The following COL5A2 variants were observed in gnomAD, a reference collection of about 807,000 sequenced individuals.
COL5A2 encodes collagen alpha-2(V) chain.
COL5A2 carries 23 observed loss-of-function variants against 208.2 expected under a neutral mutation model. The observed-to-expected ratio is 0.11, with a 90% CI of 0.08 to 0.16. The LOEUF (loss-of-function observed/expected upper bound fraction) is 0.16. Among genes scored for constraint, COL5A2 ranks in the 10% least tolerant of loss-of-function variants. The pLI, the probability that COL5A2 is intolerant of heterozygous loss-of-function variation, is 1.00. For missense variants in COL5A2, 1,590 were observed against 1,956.4 expected, an observed-to-expected ratio of 0.81 and a Z score of 3.53; for synonymous variants, 625 against 628.5, an observed-to-expected ratio of 0.99 and a Z score of 0.08.
chr2:189,313,516 A>G, the COL5A2 span, among the ~76,000 whole-genome samples: 1 of 152,234 alleles, frequency 6.6e-6, no homozygotes, highest in African/African-American at 2.4e-5. Context: ...CAGTGACACA[A>G]TAAAGCAACT....
chr2:189,325,996 C>A, the COL5A2 span, among the ~76,000 whole-genome samples: 1 of 150,782 alleles, frequency 6.6e-6, no homozygotes, highest in African/African-American at 2.4e-5. Flanking sequence ...ACTTGGGAGG[C>A]TGAGGCAGGA....
the COL5A2 span, among the ~76,000 whole-genome samples, chr2:189,391,364 T>C: frequency 1.3e-5 from 2 of 152,142 alleles, no homozygotes; most frequent in African/African-American, 4.8e-5. Flanking sequence ...ACATAAACCA[T>C]CTCTGACTCG....
At chr2:189,209,010 A>G (rs948005070) in intron 1 of COL5A2, among the ~76,000 whole-genome samples, 2 of 152,182 alleles carry the variant, frequency 1.3e-5, no homozygotes, top group African/African-American at 2.4e-5. Context: ...TACTAGTAGC[A>G]TGCAGGCAGT....
Position 189,051,407 on chromosome 2 carries a change from G to A in COL5A2, c.2844C>T (p.Gly948=). 1 of 1,613,980 alleles carries A rather than the reference G, an allele frequency of 6.2e-7. No individual in the cohort carries two copies. The highest frequency in any genetic ancestry group is 8.5e-7 in the Non-Finnish European group (1 of 1,179,898). The change falls in exon 42 of 54, where the codon GGC becomes GGT. Residue 948 remains glycine (G), a synonymous_variant. Coordinates refer to ENST00000374866, the MANE Select transcript of COL5A2 (RefSeq NM_000393.5). The part of the protein sequence containing the change: ...EGPPGLRGDP[G]SHGRVGDRGP... ...CTCGATCTCCCACACGCCCATGAGA[G>A]CCAGGGTCCCCACGAAGACCTGGAG...
the COL5A2 span, among the ~76,000 whole-genome samples, chr2:189,368,806 C>A: frequency 6.6e-6 from 1 of 152,138 alleles, no homozygotes; most frequent in Non-Finnish European, 1.5e-5. Context: ...GATTTCTACA[C>A]CCTACCCATT....
At chr2:189,334,059 T>C in the COL5A2 span, among the ~76,000 whole-genome samples, 1 of 151,998 alleles carries the variant, frequency 6.6e-6, no homozygotes, top group African/African-American at 2.4e-5. Context: ...TATTTAACAA[T>C]ATTAAACACC....
At chr2:189,267,266 T>C in the COL5A2 span, among the ~76,000 whole-genome samples, 144 of 152,080 alleles carry the variant, frequency 9.5e-4, 1 homozygote, top group Non-Finnish European at 1.8e-3. Context: ...ATACAGATAA[T>C]CTATGACCAG....
chr2:189,205,023 T>A (rs1261120745), intron 1 of COL5A2, among the ~76,000 whole-genome samples: 2 of 152,212 alleles, frequency 1.3e-5, no homozygotes, highest in African/African-American at 4.8e-5. Flanking sequence ...CTAACACCGT[T>A]ATCCTAACAA....
the COL5A2 span, among the ~76,000 whole-genome samples, chr2:189,368,444 G>C: frequency 6.6e-6 from 1 of 151,866 alleles, no homozygotes; most frequent in Non-Finnish European, 1.5e-5. Context: ...GGTTTTCCAA[G>C]GGGGAAAAAA....
intron 21 of COL5A2, 147 bp from the exon 22 acceptor site, chr2:189,066,929 A>G (rs1686167674): frequency 1.8e-5 from 12 of 658,748 alleles, no homozygotes; most frequent in Non-Finnish European, 1.1e-5. Context: ...TTTTAAATGA[A>G]TGCATGTGAA....
intron 9 of COL5A2, 89 bp downstream of exon 9, chr2:189,086,636 CA>C: frequency 9.7e-7 from 1 of 1,033,082 alleles, no homozygotes; most frequent in Admixed American, 2.1e-5. Context: ...TAAAACCAGC[CA>C]AAAGCAGTCA....
the COL5A2 span, among the ~76,000 whole-genome samples, chr2:189,258,188 C>T: frequency 3.3e-5 from 5 of 152,068 alleles, no homozygotes; most frequent in African/African-American, 7.2e-5. Flanking sequence ...TTATGTTTGT[C>T]GTGAAAATCA....
chr2:189,277,584 G>A, the COL5A2 span, among the ~76,000 whole-genome samples: 1 of 152,078 alleles, frequency 6.6e-6, no homozygotes, highest in South Asian at 2.1e-4. Flanking sequence ...TTATAGTTTG[G>A]GAAGACACTA....
At chr2:189,325,822 C>T in the COL5A2 span, among the ~76,000 whole-genome samples, 110 of 152,168 alleles carry the variant, frequency 7.2e-4, no homozygotes, top group South Asian at 0.016. Flanking sequence ...GAAGGCCAGG[C>T]GCAGTGGCTC....
the COL5A2 span, among the ~76,000 whole-genome samples, chr2:189,310,973 CA>C: frequency 1.1e-3 from 163 of 150,784 alleles, no homozygotes; most frequent in Non-Finnish European, 1.8e-3. Flanking sequence ...TTAATGAGTA[CA>C]AAAAAAAATT....
the COL5A2 span, among the ~76,000 whole-genome samples, chr2:189,366,301 C>G: frequency 6.6e-6 from 1 of 152,160 alleles, no homozygotes; most frequent in Non-Finnish European, 1.5e-5. Context: ...TTAATTGCTT[C>G]CATGAACTAT....
At chr2:189,065,157 CCAT>C in intron 23 of COL5A2, 100 bp from the exon 24 acceptor site, 1 of 1,114,710 alleles carries the variant, frequency 9.0e-7, no homozygotes, top group South Asian at 1.3e-5. Flanking sequence ...GTTTTAGGAG[CCAT>C]CATCAAGCCA....
the COL5A2 span, among the ~76,000 whole-genome samples, chr2:189,326,227 T>A: frequency 5.9e-5 from 9 of 152,290 alleles, no homozygotes; most frequent in Admixed American, 2.6e-4. Context: ...TAAAACCAGT[T>A]TATTATAATG....
At chr2:189,337,612 G>T in the COL5A2 span, among the ~76,000 whole-genome samples, 1 of 152,156 alleles carries the variant, frequency 6.6e-6, no homozygotes, top group Non-Finnish European at 1.5e-5. Flanking sequence ...AGGAAGCATA[G>T]ATTAGAATCA....
Sources: gnomAD v4.1 joint callset for allele counts (sites outside exome capture counted in the v4.1 genomes callset) on GRCh38, gnomAD v4.1.1 for gene constraint, MANE v1.5 for transcripts, NCBI Gene and HGNC (gene_info 2026-07-23, HGNC 2026-07-21) for gene names.